The following CACNA2D3 variants were observed in gnomAD, a reference collection of about 807,000 sequenced individuals.
CACNA2D3 encodes the protein calcium voltage-gated channel auxiliary subunit alpha2delta 3, also known as voltage-dependent calcium channel subunit alpha-2/delta-3.
CACNA2D3 carries 60 observed loss-of-function variants against 160.6 expected under a neutral mutation model. The observed-to-expected ratio is 0.37, with a 90% confidence interval of 0.30 to 0.46. The LOEUF is 0.46. Among genes scored for constraint, CACNA2D3 ranks in the 20% least tolerant of loss-of-function variants. CACNA2D3 has a pLI of 1.00. For synonymous variants in CACNA2D3, 558 were observed against 492.9 expected (o/e 1.13, Z -1.75); for missense variants, 1,205 against 1,365.0 (o/e 0.88, Z 1.85).
At chr3:54,903,449 G>A (rs1482917858) in intron 27 of CACNA2D3, among the ~76,000 whole-genome samples, 1 of 152,118 alleles carries the variant, frequency 6.6e-6, no homozygotes, top group Non-Finnish European at 1.5e-5. Flanking sequence ...TCTTTATCCA[G>A]TCTATCATTG....
rs569478610 is a variant in CACNA2D3, at chr3:54,162,761, T to C, written c.204+39167T>C. On this transcript the variant is annotated intron_variant, in intron 2 of 37. Coordinates refer to ENST00000474759, the MANE Select transcript of CACNA2D3 (RefSeq NM_018398.3). ...CCCCAGATCACTCAACAGGTATCTA[T>C]TGAGCACCTGTAATGTGCCAGATTC... Among the ~76,000 whole-genome samples, 87 of 152,282 alleles carry C rather than the reference T, an allele frequency of 5.7e-4. 3 individuals carry two copies. The South Asian group carries it at 0.017, about 30-fold the overall frequency.
intron 17 of CACNA2D3, among the ~76,000 whole-genome samples, chr3:54,847,164 G>T (rs1407323024): frequency 6.6e-6 from 1 of 152,212 alleles, no homozygotes; most frequent in African/African-American, 2.4e-5. Flanking sequence ...TGCCCTTGGG[G>T]CATTGGCCAC....
chr3:54,509,010 G>T (rs1701415055), intron 5 of CACNA2D3, among the ~76,000 whole-genome samples: 1 of 152,250 alleles, frequency 6.6e-6, no homozygotes, highest in South Asian at 2.1e-4. Context: ...GGATGGGCAG[G>T]GTTGCTGAAT....
Position 54,629,767 on chromosome 3 carries a change from C to T in CACNA2D3, c.1053+1891C>T, listed in dbSNP as rs544526007. 2.6e-5 allele frequency among the ~76,000 whole-genome samples: 4 copies of T among 152,310 alleles called. No individual in the cohort carries two copies. In the East Asian group the frequency reaches 7.7e-4, roughly 29 times the overall value. ...GTGGTGATATTGAAAAGACCTGTTA[C>T]AGTTTGAAAATTCCCTCTCGTTTTA... is the stretch of plus-strand genomic sequence containing the variant. On this transcript the variant is annotated intron_variant, in intron 10 of 37. Coordinates refer to ENST00000474759, the MANE Select transcript of CACNA2D3 (RefSeq NM_018398.3).
At chr3:54,411,938 AG>A (rs1699674391) in intron 4 of CACNA2D3, among the ~76,000 whole-genome samples, 1 of 152,216 alleles carries the variant, frequency 6.6e-6, no homozygotes, top group African/African-American at 2.4e-5. Flanking sequence ...TACAATGTGT[AG>A]GTCGGAAAAC....
At chr3:54,852,455 C>T (rs1338290427) in intron 17 of CACNA2D3, among the ~76,000 whole-genome samples, 2 of 152,164 alleles carry the variant, frequency 1.3e-5, no homozygotes, top group Non-Finnish European at 1.5e-5. Flanking sequence ...AACTCTTGAA[C>T]GAGTTTAAGT....
chr3:54,816,323 T>A (rs1703454324), intron 13 of CACNA2D3, among the ~76,000 whole-genome samples: 1 of 152,174 alleles, frequency 6.6e-6, no homozygotes, highest in Admixed American at 6.5e-5. Context: ...GCACTATGGA[T>A]ATATGGGCTG....
rs757018890 is a variant in CACNA2D3, at chr3:54,149,877, G to GTGTCTCTCTCTC, written c.204+26284_204+26285insGTCTCTCTCTCT. ...TAGTAACAGAGAGGGCTGTCCTGAA[G>GTGTCTCTCTCTC]TATCTGTCTCTCTCTCTCTCTCTCT... is the stretch of plus-strand genomic sequence containing the variant. On this transcript the variant is annotated intron_variant, in intron 2 of 37. Transcript: ENST00000474759. Among the ~76,000 whole-genome samples, 169 of 105,878 alleles carry GTGTCTCTCTCTC rather than the reference G, an allele frequency of 1.6e-3. 25 individuals are homozygous for GTGTCTCTCTCTC. The highest frequency in any genetic ancestry group is 2.0e-3 in the African/African-American group (55 of 27,146). 69.5% of individuals were successfully genotyped at this position (105,878 alleles called of 152,430 possible). A position where few individuals can be genotyped will look rare whatever the true frequency, so the allele number is the denominator to read the frequency against.
chr3:54,194,042 G>C (rs1345071382), intron 2 of CACNA2D3, among the ~76,000 whole-genome samples: 1 of 152,154 alleles, frequency 6.6e-6, no homozygotes, highest in Non-Finnish European at 1.5e-5. Flanking sequence ...TGGAGATAGA[G>C]AGTAGAATGG....
At chr3:54,742,047 C>T (rs930389494) in intron 11 of CACNA2D3, among the ~76,000 whole-genome samples, 2 of 151,796 alleles carry the variant, frequency 1.3e-5, no homozygotes, top group East Asian at 2.0e-4. Context: ...TTATATTTTT[C>T]GTAGAGATGA....
At chr3:54,216,675 A>G (rs1265499001) in intron 2 of CACNA2D3, among the ~76,000 whole-genome samples, 1 of 152,246 alleles carries the variant, frequency 6.6e-6, no homozygotes, top group Non-Finnish European at 1.5e-5. Context: ...TTTTACCATC[A>G]GTGATTTAAC....
chr3:54,275,141 C>T (rs1372423112), intron 2 of CACNA2D3, among the ~76,000 whole-genome samples: 4 of 152,304 alleles, frequency 2.6e-5, no homozygotes, highest in African/African-American at 9.6e-5. Flanking sequence ...CTAATGAGAT[C>T]GTGTATCTTG....
At chr3:54,599,609 G>A (rs564904731) in intron 9 of CACNA2D3, among the ~76,000 whole-genome samples, 1 of 150,456 alleles carries the variant, frequency 6.6e-6, no homozygotes, top group Non-Finnish European at 1.5e-5. Flanking sequence ...TTAATAAGGT[G>A]GGGGGGAGGA....
chr3:54,408,143 A>G (rs999494390), intron 4 of CACNA2D3, among the ~76,000 whole-genome samples: 2 of 152,174 alleles, frequency 1.3e-5, no homozygotes, highest in Non-Finnish European at 1.5e-5. Flanking sequence ...TCAAATTTCA[A>G]TTGTGATAAG....
chr3:54,828,195 A>G (rs1703785365), intron 14 of CACNA2D3, among the ~76,000 whole-genome samples: 1 of 152,238 alleles, frequency 6.6e-6, no homozygotes, highest in Admixed American at 6.5e-5. Flanking sequence ...TTTTCAGGGC[A>G]TCTACTTGGA....
chr3:54,865,414 C>A (rs1260959974), intron 17 of CACNA2D3, among the ~76,000 whole-genome samples: 1 of 152,112 alleles, frequency 6.6e-6, no homozygotes, highest in Non-Finnish European at 1.5e-5. Context: ...GACTTCATGC[C>A]CCCCACCTTC....
chr3:54,950,386 C>T (rs1488966091), intron 27 of CACNA2D3, among the ~76,000 whole-genome samples: 2 of 152,212 alleles, frequency 1.3e-5, no homozygotes, highest in African/African-American at 4.8e-5. Flanking sequence ...TGCTCTTTTA[C>T]TCTTTGCAAC....
chr3:54,728,526 A>G (rs762813544), intron 11 of CACNA2D3, among the ~76,000 whole-genome samples: 7 of 152,072 alleles, frequency 4.6e-5, no homozygotes, highest in Admixed American at 3.9e-4. Flanking sequence ...CTGTAAGTCT[A>G]TTATCTCTTT....
chr3:54,765,005 A>G (rs755897311), intron 13 of CACNA2D3, among the ~76,000 whole-genome samples: 3 of 150,734 alleles, frequency 2.0e-5, no homozygotes, highest in Non-Finnish European at 4.4e-5. Context: ...GTGATTTTTC[A>G]TAGTGATAAT....
Sources: gnomAD v4.1 joint callset for allele counts (sites outside exome capture counted in the v4.1 genomes callset) on GRCh38, gnomAD v4.1.1 for gene constraint, MANE v1.5 for transcripts, NCBI Gene and HGNC (gene_info 2026-07-23, HGNC 2026-07-21) for gene names.